The following MARK1 variants were observed in gnomAD, a reference collection of about 807,000 sequenced individuals.
MARK1 encodes the protein microtubule affinity regulating kinase 1, also known as serine/threonine-protein kinase MARK1.
In MARK1, 40 loss-of-function variants were observed where a neutral mutation model predicts 96.3. That is an observed-to-expected ratio of 0.42 (90% CI 0.32 to 0.54). The LOEUF (loss-of-function observed/expected upper bound fraction) is 0.54, where lower values mean the gene tolerates loss of function less well. Among genes scored for constraint, MARK1 ranks in the 20% least tolerant of loss-of-function variants. The pLI, the probability that MARK1 is intolerant of heterozygous loss-of-function variation, is 0.16. For missense variants in MARK1, 719 were observed against 984.6 expected (o/e 0.73, Z 3.61); for synonymous variants, 317 against 341.2 (o/e 0.93, Z 0.78).
At chr1:220,568,126 ACTT>A (rs998811302) in intron 1 of MARK1, among the ~76,000 whole-genome samples, 1 of 152,124 alleles carries the variant, frequency 6.6e-6, no homozygotes, top group African/African-American at 2.4e-5. Flanking sequence ...CCTTTTTGGT[ACTT>A]CTTGATATTT....
intron 3 of MARK1, among the ~76,000 whole-genome samples, chr1:220,581,520 C>A (rs1448604962): frequency 5.3e-5 from 8 of 152,130 alleles, no homozygotes; most frequent in Admixed American, 5.2e-4. Flanking sequence ...TATAAAATGA[C>A]AAATGGTGGT....
chr1:220,528,928 C>T (rs1003078690), intron 1 of MARK1, 55 bp downstream of exon 1: 14 of 1,487,718 alleles, frequency 9.4e-6, no homozygotes, highest in Admixed American at 2.1e-5. Context: ...TCCTCTGATC[C>T]CCACTTCACC....
chr1:220,544,053 A>G (rs1223714350), intron 1 of MARK1, among the ~76,000 whole-genome samples: 1 of 152,260 alleles, frequency 6.6e-6, no homozygotes, highest in Non-Finnish European at 1.5e-5. Flanking sequence ...TGACAACAGT[A>G]GAAAATATCA....
At chr1:220,633,870 G>A (rs1667805709) in intron 11 of MARK1, among the ~76,000 whole-genome samples, 1 of 152,200 alleles carries the variant, frequency 6.6e-6, no homozygotes, top group Admixed American at 6.5e-5. Context: ...CCTGTTGGAT[G>A]GAGCTATTAG....
In MARK1 at chr1:220,650,669, G is replaced by A; in HGVS notation, c.1520G>A (p.Cys507Tyr). 6.2e-7 allele frequency: 1 copy of A among 1,613,858 alleles called. No individual in the cohort carries two copies. The highest frequency in any genetic ancestry group is 1.1e-5 in the South Asian group (1 of 91,044). ...GSMARRNTYV[C>Y]ERTTDRYVAL... The stretch of plus-strand genomic sequence containing the variant: ...ATGGCAAGAAGGAATACATATGTCT[G>A]TGAAAGGACCACAGATCGATACGTA... Residue 507 changes from cysteine to tyrosine, a missense_variant, in exon 14 of 18, where the codon TGT becomes TAT. Physicochemically the swap from Cys to Tyr is radical, Grantham distance 194. Coordinates refer to ENST00000366917, the MANE Select transcript of MARK1 (RefSeq NM_018650.5).
chr1:220,544,563 G>A (rs1661354772), intron 1 of MARK1, among the ~76,000 whole-genome samples: 2 of 152,194 alleles, frequency 1.3e-5, no homozygotes, highest in Admixed American at 1.3e-4. Flanking sequence ...ACAGAATCAT[G>A]AGCTAAATAA....
At chr1:220,548,652 T>A (rs1052161659) in intron 1 of MARK1, among the ~76,000 whole-genome samples, 7 of 152,022 alleles carry the variant, frequency 4.6e-5, no homozygotes, top group African/African-American at 1.7e-4. Flanking sequence ...GGCAGGAGAA[T>A]TGCTTGAACC....
At chr1:220,625,701 G>A (rs1667286065) in intron 9 of MARK1, 1 of 399,636 alleles carries the variant, frequency 2.5e-6, no homozygotes, top group Non-Finnish European at 5.0e-6. Flanking sequence ...AAACATTACT[G>A]TTGAGACCAA....
At chr1:220,633,084 T>C (rs978751938) in intron 11 of MARK1, among the ~76,000 whole-genome samples, 2 of 152,068 alleles carry the variant, frequency 1.3e-5, no homozygotes, top group African/African-American at 4.8e-5. Flanking sequence ...GGTGCCACGC[T>C]CTTTTAAATA....
chr1:220,642,558 A>C (rs906739152), intron 13 of MARK1, among the ~76,000 whole-genome samples: 4 of 152,174 alleles, frequency 2.6e-5, no homozygotes, highest in Non-Finnish European at 5.9e-5. Context: ...GCTGACTCTG[A>C]AGAGTCTGGG....
chr1:220,618,385 G>A lies in MARK1; in HGVS notation c.628G>A (p.Gly210Arg). ...TGGTTTTAGTAATGAATTTACAGTT[G>A]GGAACAAATTGGACACATTTTGTGG... Reference protein sequence around the residue: ...DFGFSNEFTVGNKLDTFCGSP... With the variant: ...DFGFSNEFTVRNKLDTFCGSP... Residue 210 changes from glycine (G) to arginine (R), a missense_variant, in exon 8 of 18, where the codon GGG becomes AGG. Around this residue, in one of 4 missense-constraint regions of MARK1, gnomAD observed 96 missense variants for 213.1 expected, o/e 0.45. Coordinates refer to ENST00000366917, the MANE Select transcript of MARK1 (RefSeq NM_018650.5). This position sits in a 1 kb window ranked among gnomAD's most constrained non-coding sequence, Gnocchi z 4.6. The A allele has an allele frequency of 1.2e-6, 2 of 1,614,086 alleles. No individual in the cohort carries two copies. Among genetic ancestry groups the A allele is most frequent in the Non-Finnish European group, 1.7e-6 (2 of 1,179,988 alleles).
At chr1:220,537,041 C>T (rs1405628623) in intron 1 of MARK1, among the ~76,000 whole-genome samples, 1 of 148,988 alleles carries the variant, frequency 6.7e-6, no homozygotes. Context: ...ACATTTGTTA[C>T]ATAGGTAAAC....
In MARK1 at chr1:220,535,717, A is replaced by G. The variant is rs145973199; in HGVS notation, c.51+6844A>G. 6.9e-3 allele frequency among the ~76,000 whole-genome samples: 1,049 copies of G among 152,196 alleles called. 18 individuals are homozygous for G. Among genetic ancestry groups the G allele is most frequent in the African/African-American group, 0.022 (918 of 41,532 alleles). On this transcript the variant is annotated intron_variant, in intron 1 of 17. Coordinates refer to ENST00000366917, the MANE Select transcript of MARK1 (RefSeq NM_018650.5). ...TGATATAAAATGAGGGTCCAGTGTC[A>G]TTCTTTTGCATATATATATCCATTT...
chr1:220,538,813 T>G (rs1445565330), intron 1 of MARK1, among the ~76,000 whole-genome samples: 15 of 148,862 alleles, frequency 1.0e-4, no homozygotes, highest in South Asian at 2.1e-4. Context: ...CCTAGGTATT[T>G]TATTCTCTTT....
intron 1 of MARK1, among the ~76,000 whole-genome samples, chr1:220,570,983 GTGTTTTA>G (rs988136340): frequency 3.3e-5 from 5 of 152,008 alleles, no homozygotes; most frequent in African/African-American, 1.2e-4. Flanking sequence ...TCATATTTTT[GTGTTTTA>G]TGTTTTTGTA....
intron 13 of MARK1, 88 bp from the exon 14 acceptor site, chr1:220,650,532 T>C (rs1668812851): frequency 1.3e-6 from 1 of 775,322 alleles, no homozygotes; most frequent in Admixed American, 2.2e-5. Flanking sequence ...ATTCTGTGGA[T>C]TTTTCTCAAA....
rs1018489189 is a variant in MARK1, at chr1:220,664,016, G to A, written c.*1850G>A. On this transcript the variant is annotated 3_prime_UTR_variant, in exon 18 of 18. Transcript: ENST00000366917. Reference sequence around the variant, plus strand: ...ATGTGTTCTAAATTTAGTTGGCAAAGGGTGAAGCTGTGAAGGTTTTCAAGA... The same window carrying A: ...ATGTGTTCTAAATTTAGTTGGCAAAAGGTGAAGCTGTGAAGGTTTTCAAGA... 6.6e-6 allele frequency: 1 copy of A among 152,580 alleles called. No homozygotes were observed. Among genetic ancestry groups the A allele is most frequent in the South Asian group, 2.1e-4 (1 of 4,832 alleles). 9.5% of individuals were successfully genotyped at this position (152,580 alleles called of 1,614,324 possible).
At chr1:220,639,262 C>T (rs141464931) in intron 13 of MARK1, among the ~76,000 whole-genome samples, 1 of 150,030 alleles carries the variant, frequency 6.7e-6, no homozygotes, top group East Asian at 1.9e-4. Flanking sequence ...GAGACCCTGT[C>T]AAAAAAATAA....
At chr1:220,640,436 T>A (rs1311995413) in intron 13 of MARK1, among the ~76,000 whole-genome samples, 1 of 152,172 alleles carries the variant, frequency 6.6e-6, no homozygotes, top group East Asian at 1.9e-4. Context: ...AACTGGCCAG[T>A]TGATAGCATG....
Sources: allele counts gnomAD v4.1 joint callset (sites outside exome capture counted in the v4.1 genomes callset), GRCh38; gene constraint gnomAD v4.1.1; regional missense constraint gnomAD v4.1.1; non-coding constraint Gnocchi (gnomAD v3.1); transcripts MANE v1.5; gene names NCBI Gene and HGNC (gene_info 2026-07-23, HGNC 2026-07-21).